TBC1D14: variants seen among roughly 807,000 people sequenced by gnomAD.
TBC1D14 encodes the protein TBC1 domain family member 14, also known as TBC1 domain family, member 14.
A neutral mutation model predicts 79.0 loss-of-function variants in TBC1D14; 26 were observed. The ratio of observed to expected loss-of-function variants is 0.33; its 90% CI spans 0.24 to 0.46. TBC1D14 has a LOEUF of 0.46. Ranked by LOEUF, TBC1D14 falls within the 20% of genes least tolerant of loss-of-function variation. The pLI is 1.00. For missense variants in TBC1D14, 769 were observed against 887.6 expected (o/e 0.87, Z 1.70); for synonymous variants, 394 against 349.9 (o/e 1.13, Z -1.40).
chr4:6,923,557 A>G lies in TBC1D14; in HGVS notation c.168A>G (p.Glu56=). 2 of 1,614,138 alleles carry G rather than the reference A, an allele frequency of 1.2e-6. No homozygotes were observed. Among genetic ancestry groups the G allele is most frequent in the South Asian group, 1.1e-5 (1 of 91,086 alleles). Reference sequence around the variant, plus strand: ...CCAAGCTGAAACTCAGGGCTTTAGAAGACCGGCACAGCCTCCAGTCCGTGG... The same window carrying G: ...CCAAGCTGAAACTCAGGGCTTTAGAGGACCGGCACAGCCTCCAGTCCGTGG... ...YGPKLKLRAL[E]DRHSLQSVDS... is the part of the protein sequence containing the mutation. Residue 56 remains glutamate (E), a synonymous_variant, in exon 2 of 14, where the codon GAA becomes GAG. Transcript: ENST00000409757.
chr4:6,953,100 A>T (rs1289006365), intron 2 of TBC1D14, among the ~76,000 whole-genome samples: 4 of 130,494 alleles, frequency 3.1e-5, no homozygotes, highest in Admixed American at 9.0e-5. Flanking sequence ...ATCTTGGCCC[A>T]CTGCACCCTC....
chr4:6,948,137 A>G (rs1713661183), intron 2 of TBC1D14, among the ~76,000 whole-genome samples: 1 of 152,198 alleles, frequency 6.6e-6, no homozygotes, highest in African/African-American at 2.4e-5. Context: ...TTTTATGTAA[A>G]GGAGAGCAAA....
At chr4:6,984,006 C>T (rs1292549689) in intron 3 of TBC1D14, among the ~76,000 whole-genome samples, 6 of 152,050 alleles carry the variant, frequency 3.9e-5, no homozygotes, top group Non-Finnish European at 7.4e-5. Flanking sequence ...TGCTGCGTCT[C>T]GCCAGAAGGA....
intron 12 of TBC1D14, among the ~76,000 whole-genome samples, chr4:7,024,547 C>T (rs930582273): frequency 6.6e-6 from 1 of 152,176 alleles, no homozygotes; most frequent in South Asian, 2.1e-4. Context: ...GACCAGGAGC[C>T]TAAGGGCACC....
intron 3 of TBC1D14, among the ~76,000 whole-genome samples, chr4:6,993,781 G>A (rs1277818348): frequency 1.3e-5 from 2 of 152,156 alleles, no homozygotes; most frequent in Admixed American, 6.5e-5. Flanking sequence ...AGGCTGAAGC[G>A]GGTGGATCAC....
At chr4:6,939,922 G>A (rs1175162110) in intron 2 of TBC1D14, among the ~76,000 whole-genome samples, 1 of 152,212 alleles carries the variant, frequency 6.6e-6, no homozygotes, top group Non-Finnish European at 1.5e-5. Context: ...TGAGGCCGGC[G>A]GGGACTGGCC....
chr4:6,998,343 G>C (rs1214878313), intron 5 of TBC1D14, among the ~76,000 whole-genome samples: 1 of 146,964 alleles, frequency 6.8e-6, no homozygotes, highest in East Asian at 2.0e-4. Flanking sequence ...CTGGGTGACA[G>C]AGCAAAACTC....
Position 6,978,885 on chromosome 4 carries a change from C to T in TBC1D14, c.843+11461C>T, listed in dbSNP as rs532008530. Reference sequence around the variant, plus strand: ...CGTTTTCAAATCAGTAGACTGTTTTCTTAATGAGTTATTTAAAAATATGTT... The same window carrying T: ...CGTTTTCAAATCAGTAGACTGTTTTTTTAATGAGTTATTTAAAAATATGTT... On this transcript the variant is annotated intron_variant, in intron 3 of 13. Transcript: ENST00000409757. Among the ~76,000 whole-genome samples the T allele has an allele frequency of 2.2e-4, 33 of 151,864 alleles. No homozygotes were observed. In the South Asian group the frequency reaches 6.8e-3, roughly 32 times the overall value.
intron 9 of TBC1D14, among the ~76,000 whole-genome samples, chr4:7,007,816 C>G (rs1302256537): frequency 6.6e-6 from 1 of 152,218 alleles, no homozygotes; most frequent in Non-Finnish European, 1.5e-5. Context: ...TGGAGCTGCT[C>G]CTGTTTCTTG....
intron 1 of TBC1D14, among the ~76,000 whole-genome samples, chr4:6,911,030 G>T (rs1428203793): frequency 6.6e-6 from 1 of 152,150 alleles, no homozygotes; most frequent in Non-Finnish European, 1.5e-5. Context: ...TATAGCGGTG[G>T]GTTGCCTGTT....
rs137914350 is a variant in TBC1D14 at position 7,021,490 on chromosome 4, A to C, written c.1758-3514A>C. On this transcript the variant is annotated intron_variant, in intron 12 of 13. Transcript: ENST00000409757. ...TGTGTGCCTGTAGTCTCAGCTACTC[A>C]GGAGGCTGAGCTAGGAGGGTCACCT... Among the ~76,000 whole-genome samples, 535 of 152,200 alleles carry C rather than the reference A, an allele frequency of 3.5e-3. 11 individuals carry two copies. The highest frequency in any genetic ancestry group is 6.8e-3 in the Middle Eastern group (2 of 294).
chr4:6,965,659 C>T (rs2109044213), intron 2 of TBC1D14, among the ~76,000 whole-genome samples: 1 of 152,288 alleles, frequency 6.6e-6, no homozygotes, highest in Middle Eastern at 3.4e-3. Context: ...TCGCCTTAGC[C>T]TCCCCAGTAG....
intron 6 of TBC1D14, among the ~76,000 whole-genome samples, chr4:6,999,404 T>C (rs887201347): frequency 6.6e-6 from 1 of 152,022 alleles, no homozygotes; most frequent in Non-Finnish European, 1.5e-5. Flanking sequence ...TCCCTTCCAG[T>C]TCACCTTCTT....
chr4:6,910,001 A>C (rs1474031125), intron 1 of TBC1D14, 50 bp downstream of exon 1: 3 of 147,092 alleles, frequency 2.0e-5, no homozygotes, highest in Admixed American at 2.0e-4. Context: ...GAGGGAGGGC[A>C]GGGCGCGCGG....
intron 2 of TBC1D14, 108 bp downstream of exon 2, chr4:6,924,219 T>C: frequency 7.1e-7 from 1 of 1,406,106 alleles, no homozygotes; most frequent in South Asian, 1.5e-5. Flanking sequence ...AGGCAGGCAC[T>C]GTCTCACACA....
chr4:7,004,796 C>A, intron 7 of TBC1D14, 48 bp from the exon 8 acceptor site: 1 of 1,584,860 alleles, frequency 6.3e-7, no homozygotes, highest in South Asian at 1.1e-5. Context: ...GTGGTTTTGA[C>A]GAAAAATACA....
chr4:6,983,979 C>G (rs756209739), intron 3 of TBC1D14, among the ~76,000 whole-genome samples: 4 of 152,174 alleles, frequency 2.6e-5, no homozygotes, highest in Non-Finnish European at 4.4e-5. Flanking sequence ...CACTGTGGAT[C>G]TTGTGTTCAG....
At chr4:6,997,141 G>A (rs1719142801) in intron 5 of TBC1D14, 1 of 152,276 alleles carries the variant, frequency 6.6e-6, no homozygotes, top group Non-Finnish European at 1.5e-5. Flanking sequence ...CCGAAGCTGT[G>A]TGTTTGGTCA....
intron 2 of TBC1D14, among the ~76,000 whole-genome samples, chr4:6,962,538 A>G (rs1215102613): frequency 6.6e-6 from 1 of 152,078 alleles, no homozygotes; most frequent in African/African-American, 2.4e-5. Flanking sequence ...TTTTCTCCAT[A>G]GGACAAAGGA....
Sources: allele counts gnomAD v4.1 joint callset (sites outside exome capture counted in the v4.1 genomes callset), GRCh38; gene constraint gnomAD v4.1.1; transcripts MANE v1.5; gene names NCBI Gene and HGNC (gene_info 2026-07-23, HGNC 2026-07-21).